The following WNK1 variants were observed in gnomAD, a reference collection of about 807,000 sequenced individuals.
WNK1 encodes serine/threonine-protein kinase WNK1.
In WNK1, 38 loss-of-function variants were observed where a neutral mutation model predicts 222.8. The observed-to-expected ratio is 0.17, with a 90% CI of 0.13 to 0.22. The LOEUF is 0.22. WNK1 is among the 10% of genes least tolerant of loss of function. The pLI, the probability that WNK1 is intolerant of heterozygous loss-of-function variation, is 1.00. For synonymous variants in WNK1, 1,090 were observed against 1,092.9 expected (o/e 1.00, Z 0.05); for missense variants, 2,348 against 2,918.4 (o/e 0.80, Z 4.50).
chr12:861,984 C>A, intron 7 of WNK1, 99 bp from the exon 8 acceptor site: 1 of 1,295,694 alleles, frequency 7.7e-7, no homozygotes, highest in South Asian at 1.2e-5. Flanking sequence ...TAACTAGTTA[C>A]CCCTAATATA....
In WNK1 at chr12:867,944, C is replaced by T. The variant is rs1013040631; in HGVS notation, c.2140-3321C>T. ...GATATTTTTCCCAACTATTCATGAACGTCCAGTTTCTTTTTCACCACCTCC... is the reference window on the plus strand; with the variant it reads ...GATATTTTTCCCAACTATTCATGAATGTCCAGTTTCTTTTTCACCACCTCC... On this transcript the variant is annotated intron_variant, in intron 8 of 27. Coordinates refer to ENST00000315939, the MANE Select transcript of WNK1 (RefSeq NM_018979.4). 2 of 1,613,984 alleles carry T rather than the reference C, an allele frequency of 1.2e-6. No individual in the cohort carries two copies. Among genetic ancestry groups the T allele is most frequent in the South Asian group, 1.1e-5 (1 of 91,084 alleles).
chr12:766,761 G>A (rs1402555291), intron 1 of WNK1, among the ~76,000 whole-genome samples: 2 of 150,770 alleles, frequency 1.3e-5, no homozygotes, highest in Non-Finnish European at 3.0e-5. Context: ...ACAGGTGTGA[G>A]CCACCACACC....
intron 2 of WNK1, among the ~76,000 whole-genome samples, chr12:819,112 T>C (rs548897245): frequency 6.6e-6 from 1 of 152,364 alleles, no homozygotes; most frequent in African/African-American, 2.4e-5. Flanking sequence ...ATGTGGAACA[T>C]CTTTTCATAT....
Position 753,640 on chromosome 12 carries a change from C to T in WNK1, c.75C>T (p.Pro25=), listed in dbSNP as rs1219150253. 1.9e-6 allele frequency: 3 copies of T among 1,612,656 alleles called. No homozygotes were observed. Among genetic ancestry groups the T allele is most frequent in the Non-Finnish European group, 1.7e-6 (2 of 1,179,934 alleles). ...TCCTCTCGCCGCCGGCTCCTGCCCCCAAGAATGGCTCCAGCTCCGATTCCT... is the reference window on the plus strand; with the variant it reads ...TCCTCTCGCCGCCGGCTCCTGCCCCTAAGAATGGCTCCAGCTCCGATTCCT... ...SLFLSPPAPA[P]KNGSSSDSSV... The change falls in exon 1 of 28, where the codon CCC becomes CCT. Residue 25 remains proline, a synonymous_variant. Transcript: ENST00000315939. This position sits in a 1 kb window ranked among gnomAD's most constrained non-coding sequence, Gnocchi z 5.2.
rs767218573 is a variant in WNK1 at position 753,948 on chromosome 12, C to T, written c.383C>T (p.Thr128Ile). 3.1e-6 allele frequency: 5 copies of T among 1,603,868 alleles called. No individual in the cohort carries two copies. The highest frequency in any genetic ancestry group is 4.3e-6 in the Non-Finnish European group (5 of 1,176,078). Residue 128 changes from threonine (T) to isoleucine (I), a missense_variant, in exon 1 of 28, where the codon ACC becomes ATC. Around this residue, in one of 13 missense-constraint regions of WNK1, gnomAD observed 185 missense variants for 159.2 expected, o/e 1.16. Transcript: ENST00000315939. This position sits in a 1 kb window ranked among gnomAD's most constrained non-coding sequence, Gnocchi z 5.2. ...CACCGGGAAGAGACCGTGACCGCCACCGCCACTTCCCAGGTAGCCCAGCAG... is the reference window on the plus strand; with the variant it reads ...CACCGGGAAGAGACCGTGACCGCCATCGCCACTTCCCAGGTAGCCCAGCAG... ...EPHREETVTA[T>I]ATSQVAQQPP...
intron 4 of WNK1, among the ~76,000 whole-genome samples, chr12:835,927 C>G (rs1393612501): frequency 6.6e-6 from 1 of 151,722 alleles, no homozygotes; most frequent in Non-Finnish European, 1.5e-5. Context: ...GCACTCCAGC[C>G]TGGGTGACAG....
At chr12:849,577 T>G (rs1186583695) in intron 4 of WNK1, among the ~76,000 whole-genome samples, 1 of 152,160 alleles carries the variant, frequency 6.6e-6, no homozygotes, top group Non-Finnish European at 1.5e-5. Flanking sequence ...TTGATTTTTT[T>G]TTATTATACC....
At chr12:783,221 C>A (rs936635642) in intron 1 of WNK1, among the ~76,000 whole-genome samples, 1 of 152,088 alleles carries the variant, frequency 6.6e-6, no homozygotes, top group Admixed American at 6.6e-5. Context: ...GCCTAAATAT[C>A]TTTCAGCATA....
At position 908,531 on chromosome 12, in the gene WNK1, C is replaced by T; in HGVS notation, c.6888C>T (p.Thr2296=). 4 of 1,614,194 alleles carry T rather than the reference C, an allele frequency of 2.5e-6. No homozygotes were observed. The highest frequency in any genetic ancestry group is 3.4e-6 in the Non-Finnish European group (4 of 1,180,046). Reference sequence around the variant, plus strand: ...CTGGGCAACTGTGCATCTCCATGACCTCGAACCTGGGTGGCTCTGCCCCCA... The same window carrying T: ...CTGGGCAACTGTGCATCTCCATGACTTCGAACCTGGGTGGCTCTGCCCCCA... ...SAPGQLCISM[T]SNLGGSAPIS... Residue 2296 remains threonine (T), a synonymous_variant, in exon 28 of 28, where the codon ACC becomes ACT. Coordinates refer to ENST00000315939, the MANE Select transcript of WNK1 (RefSeq NM_018979.4).
chr12:860,872 G>A lies in WNK1; in HGVS notation c.1621-141G>A, dbSNP rs181116490. ...AATGCAGATTTTACAGTTCGGTTAA[G>A]GCCAGTCCTGAGAGAATTCTTTCTT... is the stretch of plus-strand genomic sequence containing the variant. On this transcript the variant is annotated intron_variant, in intron 6 of 27. Transcript: ENST00000315939. The A allele has an allele frequency of 1.1e-5, 9 of 820,476 alleles. No homozygotes were observed. In the East Asian group the frequency reaches 2.0e-4, roughly 18 times the overall value. The allele number at this position is 820,476 out of a possible 1,614,324, so 50.8% of individuals were successfully genotyped here.
rs553686759 is a variant in WNK1, at chr12:886,036, A to G, written c.5232A>G (p.Gly1744=). The G allele has an allele frequency of 6.2e-7, 1 of 1,601,384 alleles. No homozygotes were observed. Among genetic ancestry groups the G allele is most frequent in the African/African-American group, 1.3e-5 (1 of 74,124 alleles). Residue 1744 remains glycine (G), a synonymous_variant, in exon 19 of 28, where the codon GGA becomes GGG. Transcript: ENST00000315939. ...VSTPVSTTTS[G]VKPGTAPSKP... ...CCCCAGTCAGCACTACTACATCAGG[A>G]GTGAAACCTGGAACTGCTCCCTCCA...
At chr12:833,001 A>G (rs902720626) in intron 4 of WNK1, among the ~76,000 whole-genome samples, 2 of 150,118 alleles carry the variant, frequency 1.3e-5, no homozygotes, top group Admixed American at 1.3e-4. Flanking sequence ...ATGCGTTGTA[A>G]TTTACATTCT....
At chr12:864,976 A>AG in intron 8 of WNK1, 1 of 1,252,882 alleles carries the variant, frequency 8.0e-7, no homozygotes, top group Non-Finnish European at 1.1e-6. Flanking sequence ...CTCCTCAAAA[A>AG]AAAAACTGAC....
At chr12:807,893 G>A (rs1391599103) in intron 1 of WNK1, among the ~76,000 whole-genome samples, 1 of 151,692 alleles carries the variant, frequency 6.6e-6, no homozygotes, top group Admixed American at 6.6e-5. Flanking sequence ...CTAATTTTTT[G>A]TATTTTTAGT....
intron 11 of WNK1, 148 bp downstream of exon 11, chr12:880,179 T>G (rs1482672583): frequency 2.4e-6 from 2 of 823,876 alleles, no homozygotes; most frequent in African/African-American, 3.4e-5. Flanking sequence ...GAGAAAGGAT[T>G]GGATAATGAT....
At chr12:852,814 A>G (rs991810325) in intron 4 of WNK1, among the ~76,000 whole-genome samples, 1 of 152,228 alleles carries the variant, frequency 6.6e-6, no homozygotes, top group African/African-American at 2.4e-5. Flanking sequence ...TATTTATTTT[A>G]AACAGCTTTC....
intron 1 of WNK1, among the ~76,000 whole-genome samples, 159 bp downstream of exon 1, chr12:754,483 G>A (rs72647377): frequency 1.6e-4 from 25 of 152,212 alleles, no homozygotes; most frequent in Non-Finnish European, 2.4e-4. Context: ...GGAGAATGTG[G>A]AGCATGTGCC....
At chr12:766,301 G>C (rs1320022161) in intron 1 of WNK1, among the ~76,000 whole-genome samples, 1 of 152,076 alleles carries the variant, frequency 6.6e-6, no homozygotes, top group East Asian at 1.9e-4. Context: ...AACAAAATAA[G>C]TGTAGGCTGT....
At chr12:843,933 T>C (rs1437399677) in intron 4 of WNK1, among the ~76,000 whole-genome samples, 1 of 152,208 alleles carries the variant, frequency 6.6e-6, no homozygotes, top group Admixed American at 6.5e-5. Context: ...CTTTATTTGG[T>C]TAATTAAATA....
Sources: allele counts gnomAD v4.1 joint callset (sites outside exome capture counted in the v4.1 genomes callset), GRCh38; gene constraint gnomAD v4.1.1; regional missense constraint gnomAD v4.1.1; non-coding constraint Gnocchi (gnomAD v3.1); transcripts MANE v1.5; gene names NCBI Gene and HGNC (gene_info 2026-07-23, HGNC 2026-07-21).